ASIC2: variants seen among roughly 807,000 people sequenced by gnomAD.
ASIC2 encodes acid-sensing ion channel 2.
Under a neutral mutation model 57.3 loss-of-function variants are expected in ASIC2, and 25 were observed. The ratio of observed to expected loss-of-function variants is 0.44; its 90% CI spans 0.32 to 0.61. The LOEUF (loss-of-function observed/expected upper bound fraction) is 0.61. ASIC2 is among the 20% of genes least tolerant of loss of function. The pLI is 0.06. For missense variants in ASIC2, 641 were observed against 738.1 expected (o/e 0.87, Z 1.52); for synonymous variants, 319 against 307.5 (o/e 1.04, Z -0.39).
intron 1 of ASIC2, among the ~76,000 whole-genome samples, chr17:33,724,492 C>G (rs988510182): frequency 1.3e-5 from 2 of 152,064 alleles, no homozygotes; most frequent in Non-Finnish European, 2.9e-5. Context: ...AGTGGAAGAC[C>G]TGGGAGAGCT....
At chr17:33,658,587 G>A (rs114470300) in intron 1 of ASIC2, among the ~76,000 whole-genome samples, 2,438 of 152,292 alleles carry the variant, frequency 0.016, 61 homozygotes, top group African/African-American at 0.055. Flanking sequence ...GTGAGGGCCT[G>A]TTGCTCGTAG....
rs1392516328 is a variant in ASIC2, at chr17:33,540,816, A to G, written c.556-428749T>C. Among the ~76,000 whole-genome samples the G allele has an allele frequency of 2.0e-5, 3 of 152,196 alleles. No homozygotes were observed. The East Asian group carries it at 5.8e-4, about 29-fold the overall frequency. ...ACGCTTAATAAGTGTTTATGAATCTAACACATTTAGGTCAGTTATTGCATC... is the reference window on the plus strand; with the variant it reads ...ACGCTTAATAAGTGTTTATGAATCTGACACATTTAGGTCAGTTATTGCATC... On this transcript the variant is annotated intron_variant, in intron 1 of 9. Coordinates refer to the ASIC2 transcript ENST00000359872.
At chr17:33,044,653 G>T (rs1329567212) in intron 3 of ASIC2, among the ~76,000 whole-genome samples, 1 of 152,124 alleles carries the variant, frequency 6.6e-6, no homozygotes, top group Non-Finnish European at 1.5e-5. Context: ...GAGCCACCAC[G>T]CCTGGCCCCA....
At chr17:33,147,432 G>A (rs1391639348) in intron 1 of ASIC2, among the ~76,000 whole-genome samples, 1 of 152,198 alleles carries the variant, frequency 6.6e-6, no homozygotes, top group African/African-American at 2.4e-5. Context: ...AGAAAGACAG[G>A]TGGGCTGATG....
At chr17:33,082,061 C>G (rs1039978635) in intron 3 of ASIC2, among the ~76,000 whole-genome samples, 12 of 151,988 alleles carry the variant, frequency 7.9e-5, no homozygotes, top group Non-Finnish European at 1.3e-4. Context: ...GAATGGAAAC[C>G]CTTCTCATTC....
intron 1 of ASIC2, among the ~76,000 whole-genome samples, chr17:33,479,355 G>GA (rs201722430): frequency 6.6e-6 from 1 of 151,980 alleles, no homozygotes; most frequent in Admixed American, 6.6e-5. Flanking sequence ...GAGGGAAAGA[G>GA]ATTTTTTTTT....
chr17:33,161,857 GTTTTTTTTTTTTTTTT>G (rs199823485), intron 1 of ASIC2, among the ~76,000 whole-genome samples: 15 of 94,228 alleles, frequency 1.6e-4, no homozygotes, highest in African/African-American at 4.1e-4. Flanking sequence ...GAATTCCTAG[GTTTTTTTTTTTTTTTT>G]TTTTTTTTTT....
chr17:33,684,678 T>A (rs1309839759), intron 1 of ASIC2, among the ~76,000 whole-genome samples: 3 of 152,220 alleles, frequency 2.0e-5, no homozygotes, highest in Admixed American at 6.5e-5. Context: ...GGTCATTATC[T>A]TTTTTAGATT....
intron 1 of ASIC2, among the ~76,000 whole-genome samples, chr17:33,603,063 C>T (rs998295457): frequency 4.6e-5 from 7 of 152,378 alleles, no homozygotes; most frequent in Non-Finnish European, 1.0e-4. Context: ...CATTTCCCCA[C>T]CACCTCCAGA....
At chr17:33,485,936 T>A (rs1332506377) in intron 1 of ASIC2, among the ~76,000 whole-genome samples, 1 of 152,222 alleles carries the variant, frequency 6.6e-6, no homozygotes, top group Non-Finnish European at 1.5e-5. Context: ...CTGCTCTGTC[T>A]GGTCCACTGT....
At chr17:33,639,386 ACT>A (rs1906480093) in intron 1 of ASIC2, among the ~76,000 whole-genome samples, 1 of 151,808 alleles carries the variant, frequency 6.6e-6, no homozygotes, top group Non-Finnish European at 1.5e-5. Context: ...TTTCCAGAAC[ACT>A]CCATGGTCCA....
chr17:33,809,264 T>C (rs1451057609), intron 1 of ASIC2, among the ~76,000 whole-genome samples: 1 of 152,200 alleles, frequency 6.6e-6, no homozygotes, highest in East Asian at 1.9e-4. Flanking sequence ...TCAACTGGCG[T>C]TCCAGCCCTA....
At chr17:33,788,768 G>A (rs192663730) in intron 1 of ASIC2, among the ~76,000 whole-genome samples, 2,527 of 152,224 alleles carry the variant, frequency 0.017, 39 homozygotes, top group Admixed American at 0.037. Flanking sequence ...GGATGAAACC[G>A]GAAGCCATCA....
intron 1 of ASIC2, among the ~76,000 whole-genome samples, chr17:33,890,441 G>C (rs1431256604): frequency 1.3e-5 from 2 of 152,216 alleles, no homozygotes; most frequent in African/African-American, 4.8e-5. Context: ...CATTCATCAC[G>C]TGTTTGCCTT....
chr17:34,104,866 A>G (rs1910988717), intron 1 of ASIC2, among the ~76,000 whole-genome samples: 1 of 152,040 alleles, frequency 6.6e-6, no homozygotes, highest in African/African-American at 2.4e-5. Context: ...TTTGCTACAG[A>G]TTCTTGCATC....
chr17:33,076,398 C>A (rs541681608), intron 3 of ASIC2, among the ~76,000 whole-genome samples: 2 of 152,318 alleles, frequency 1.3e-5, no homozygotes, highest in East Asian at 3.9e-4. Flanking sequence ...GAGTCGGGTC[C>A]AAACCATAAA....
intron 1 of ASIC2, among the ~76,000 whole-genome samples, chr17:33,423,951 T>G (rs1329183732): frequency 6.6e-6 from 1 of 152,238 alleles, no homozygotes; most frequent in Non-Finnish European, 1.5e-5. Flanking sequence ...TTTTCCTCTC[T>G]GTGCCTCAGT....
chr17:33,154,975 C>CT (rs1239749815), intron 1 of ASIC2, among the ~76,000 whole-genome samples: 1 of 152,214 alleles, frequency 6.6e-6, no homozygotes, highest in Non-Finnish European at 1.5e-5. Flanking sequence ...GAAGGCCAAG[C>CT]TTCCAGTCTC....
chr17:33,290,828 T>G (rs1905391177), intron 1 of ASIC2: 1 of 152,262 alleles, frequency 6.6e-6, no homozygotes, highest in South Asian at 2.1e-4. Flanking sequence ...AGTGTTGGTT[T>G]TCTGGGAGTT....
Sources: allele counts gnomAD v4.1 joint callset (sites outside exome capture counted in the v4.1 genomes callset), GRCh38; gene constraint gnomAD v4.1.1; transcripts MANE v1.5; gene names NCBI Gene and HGNC (gene_info 2026-07-23, HGNC 2026-07-21).